Variants in SGCD observed in about 807,000 individuals in gnomAD.
SGCD encodes the protein sarcoglycan delta.
Under a neutral mutation model 36.6 loss-of-function variants are expected in SGCD, and 18 were observed. The ratio of observed to expected loss-of-function variants is 0.49; its 90% CI spans 0.34 to 0.73. The LOEUF (loss-of-function observed/expected upper bound fraction) is 0.73, where lower values mean the gene tolerates loss of function less well. Among genes scored for constraint, SGCD ranks in the 30% least tolerant of loss-of-function variants. SGCD has a pLI of 0.01. For synonymous variants in SGCD, 133 were observed against 130.6 expected (o/e 1.02, Z -0.12); for missense variants, 387 against 346.7 (o/e 1.12, Z -0.92).
intron 4 of SGCD, among the ~76,000 whole-genome samples, chr5:156,547,005 A>G (rs1254521513): frequency 6.6e-6 from 1 of 152,204 alleles, no homozygotes; most frequent in Non-Finnish European, 1.5e-5. Context: ...TATTGAAAAT[A>G]ATTTCCATCT....
At chr5:156,512,512 T>A (rs978186356) in intron 4 of SGCD, among the ~76,000 whole-genome samples, 2 of 152,216 alleles carry the variant, frequency 1.3e-5, no homozygotes, top group Non-Finnish European at 2.9e-5. Flanking sequence ...CACTCTATGA[T>A]GTTCATGCAA....
At chr5:156,091,535 C>T (rs1238395725) in intron 1 of SGCD, among the ~76,000 whole-genome samples, 3 of 152,202 alleles carry the variant, frequency 2.0e-5, no homozygotes, top group Non-Finnish European at 2.9e-5. Context: ...CATGAAAGTA[C>T]TCCTGTCAAG....
intron 3 of SGCD, among the ~76,000 whole-genome samples, chr5:156,284,288 T>C (rs1388340111): frequency 1.3e-5 from 2 of 151,956 alleles, no homozygotes; most frequent in African/African-American, 2.4e-5. Context: ...TTCCAATCAA[T>C]AGAAAAAGAG....
intron 7 of SGCD, among the ~76,000 whole-genome samples, chr5:156,702,388 T>C (rs1296897523): frequency 6.6e-6 from 1 of 152,258 alleles, no homozygotes; most frequent in Non-Finnish European, 1.5e-5. Flanking sequence ...TTTACCCTTT[T>C]ATTATAAATT....
intron 7 of SGCD, among the ~76,000 whole-genome samples, chr5:156,746,600 A>G (rs1032474677): frequency 1.3e-5 from 2 of 152,262 alleles, no homozygotes; most frequent in African/African-American, 2.4e-5. Context: ...TTGATTTTCA[A>G]CAAAAACATC....
intron 6 of SGCD, among the ~76,000 whole-genome samples, chr5:156,604,736 A>ATATACATATATACACATTTTATATGTATG (rs1265518201): frequency 3.4e-5 from 5 of 148,676 alleles, no homozygotes; most frequent in Admixed American, 6.8e-5. Context: ...ATATATGTAT[A>ATATACATATATACACATTTTATATGTATG]TATACATATA....
chr5:155,751,853 C>A, the SGCD span, among the ~76,000 whole-genome samples: 1 of 152,136 alleles, frequency 6.6e-6, no homozygotes, highest in Non-Finnish European at 1.5e-5. Context: ...CTAGTCTGAT[C>A]ATCCAAAGGC....
chr5:156,240,696 T>TA (rs939057371), intron 3 of SGCD, among the ~76,000 whole-genome samples: 17 of 151,190 alleles, frequency 1.1e-4, no homozygotes, highest in African/African-American at 1.9e-4. Flanking sequence ...CTTAATTTAA[T>TA]AAAAAAAAAT....
intron 2 of SGCD, among the ~76,000 whole-genome samples, chr5:156,331,383 T>C (rs1290662254): frequency 6.6e-6 from 1 of 152,208 alleles, no homozygotes; most frequent in East Asian, 1.9e-4. Context: ...CGTGGTTCAC[T>C]TAGTATATAA....
At chr5:155,829,117 A>G in the SGCD span, among the ~76,000 whole-genome samples, 13 of 152,138 alleles carry the variant, frequency 8.5e-5, no homozygotes, top group Admixed American at 3.3e-4. Context: ...TCTTCTCTCT[A>G]AAAGTAATCA....
the SGCD span, among the ~76,000 whole-genome samples, chr5:155,862,923 C>CAAAGACTGCTTT: frequency 6.6e-6 from 1 of 152,320 alleles, no homozygotes; most frequent in African/African-American, 2.4e-5. Context: ...GGAACCCTGA[C>CAAAGACTGCTTT]AAAGACTGCT....
rs1761807350 is a variant in SGCD, at chr5:156,611,487, A to G, written c.502+16436A>G. On this transcript the variant is annotated intron_variant, in intron 6 of 8. Transcript: ENST00000337851. ...TTGAGAAATTTGCTTGTAGTCTATT[A>G]GATATTTTCTTATTTATGACTTGAC... Among the ~76,000 whole-genome samples the G allele has an allele frequency of 4.6e-5, 7 of 152,226 alleles. No individual in the cohort carries two copies. In the South Asian group the frequency reaches 1.4e-3, roughly 32 times the overall value.
intron 6 of SGCD, among the ~76,000 whole-genome samples, chr5:156,637,048 C>A (rs1286993441): frequency 6.6e-6 from 1 of 152,134 alleles, no homozygotes; most frequent in Admixed American, 6.5e-5. Context: ...TAATCACCAC[C>A]TGCTGTGGGA....
At chr5:156,372,973 C>G (rs1580889847) in intron 3 of SGCD, among the ~76,000 whole-genome samples, 1 of 150,780 alleles carries the variant, frequency 6.6e-6, no homozygotes, top group East Asian at 1.9e-4. Context: ...ATGAAGATGG[C>G]ATTTCTCTAC....
intron 3 of SGCD, among the ~76,000 whole-genome samples, chr5:156,448,399 C>T (rs1346087440): frequency 6.6e-6 from 1 of 152,144 alleles, no homozygotes; most frequent in Non-Finnish European, 1.5e-5. Context: ...ATATTGGCCT[C>T]TCAAGCAGAC....
chr5:156,100,716 A>G (rs1761498542), intron 1 of SGCD, among the ~76,000 whole-genome samples: 1 of 152,216 alleles, frequency 6.6e-6, no homozygotes, highest in Admixed American at 6.5e-5. Context: ...GCAACCTGTA[A>G]TGGGTGAAGG....
At chr5:156,715,172 AAATT>A (rs1270864136) in intron 7 of SGCD, among the ~76,000 whole-genome samples, 1 of 152,230 alleles carries the variant, frequency 6.6e-6, no homozygotes, top group Non-Finnish European at 1.5e-5. Flanking sequence ...CTTGGTCCTG[AAATT>A]AATTAAGAAA....
chr5:156,034,531 T>G (rs776240622), intron 1 of SGCD, among the ~76,000 whole-genome samples: 1 of 152,222 alleles, frequency 6.6e-6, no homozygotes, highest in Non-Finnish European at 1.5e-5. Flanking sequence ...CCGTAGTTCA[T>G]ATAACTCTGT....
the SGCD span, among the ~76,000 whole-genome samples, chr5:155,856,931 C>T: frequency 6.6e-6 from 1 of 152,122 alleles, no homozygotes; most frequent in Non-Finnish European, 1.5e-5. Flanking sequence ...ACAGCTTGGC[C>T]ATTGTAAAAG....
Sources: gnomAD v4.1 joint callset for allele counts (sites outside exome capture counted in the v4.1 genomes callset) on GRCh38, gnomAD v4.1.1 for gene constraint, MANE v1.5 for transcripts, NCBI Gene and HGNC (gene_info 2026-07-23, HGNC 2026-07-21) for gene names.